Variants in PDE4D observed in about 807,000 individuals in gnomAD.
The protein encoded by PDE4D is phosphodiesterase 4D.
In PDE4D, 24 loss-of-function variants were observed where a neutral mutation model predicts 87.4. The observed-to-expected ratio is 0.27, with a 90% CI of 0.20 to 0.39. The LOEUF is 0.39. PDE4D is among the 10% of genes least tolerant of loss of function. The pLI, the probability that PDE4D is intolerant of heterozygous loss-of-function variation, is 1.00. For missense variants in PDE4D, 714 were observed against 1,041.0 expected (o/e 0.69, Z 4.32); for synonymous variants, 384 against 383.2 (o/e 1.00, Z -0.02).
At position 59,981,844 on chromosome 5, in the gene PDE4D, G is replaced by GT. The variant is rs1761962355; in HGVS notation, c.272+6643dup. ...TCAGATGTGTCTGATCCAGCCTTCT[G>GT]TTTTTCCTTTTTTATTTTCTGTTTG... On this transcript the variant is annotated intron_variant, in intron 3 of 16. Transcript: ENST00000502484. 1.3e-5 allele frequency among the ~76,000 whole-genome samples: 2 copies of GT among 152,010 alleles called. 1 individual carries two copies. The highest frequency in any genetic ancestry group is 4.1e-4 in the South Asian group (2 of 4,820).
chr5:60,184,968 A>G (rs1193085734), intron 2 of PDE4D, among the ~76,000 whole-genome samples: 1 of 152,102 alleles, frequency 6.6e-6, no homozygotes, highest in Non-Finnish European at 1.5e-5. Context: ...TTTTCCATAC[A>G]CTAATATAAA....
chr5:60,442,831 T>C (rs900141494), intron 1 of PDE4D, among the ~76,000 whole-genome samples: 3 of 151,980 alleles, frequency 2.0e-5, no homozygotes, highest in Non-Finnish European at 4.4e-5. Flanking sequence ...TGAAAGAAAA[T>C]ATAGGTGGAA....
chr5:59,818,049 G>A lies in PDE4D; in HGVS notation c.455+75119C>T, dbSNP rs572796573. ...GGGAGACACTCTGAGGAGGGACATT[G>A]AGCAGAGAGCCCAGTGAAGCTCACA... On this transcript the variant is annotated intron_variant, in intron 1 of 14. Coordinates refer to ENST00000340635, the MANE Select transcript of PDE4D (RefSeq NM_001104631.2). Among the ~76,000 whole-genome samples, 16 of 152,320 alleles carry A rather than the reference G, an allele frequency of 1.1e-4. No individual in the cohort carries two copies. The South Asian group carries it at 3.1e-3, about 30-fold the overall frequency.
chr5:59,361,147 GGA>G (rs1782159999), intron 1 of PDE4D, among the ~76,000 whole-genome samples: 2 of 151,880 alleles, frequency 1.3e-5, no homozygotes, highest in Non-Finnish European at 2.9e-5. Flanking sequence ...AAGCTTTGTT[GGA>G]TAAAGCCTAC....
At chr5:60,515,071 T>C (rs1278439735) in intron 1 of PDE4D, among the ~76,000 whole-genome samples, 1 of 152,100 alleles carries the variant, frequency 6.6e-6, no homozygotes, top group African/African-American at 2.4e-5. Context: ...GCATCAAAAA[T>C]ATCAAATACA....
chr5:60,377,186 T>C (rs1308374034), intron 1 of PDE4D, among the ~76,000 whole-genome samples: 1 of 152,206 alleles, frequency 6.6e-6, no homozygotes, highest in East Asian at 1.9e-4. Flanking sequence ...TCACTGCCTA[T>C]TTCTGTATTC....
intron 1 of PDE4D, chr5:59,217,216 A>G: frequency 2.2e-6 from 1 of 456,012 alleles, no homozygotes; most frequent in South Asian, 1.5e-5. Flanking sequence ...GAGGAGGGTG[A>G]TAGCTTATGA....
intron 2 of PDE4D, among the ~76,000 whole-genome samples, chr5:60,043,674 G>A (rs1049203202): frequency 6.6e-6 from 1 of 151,238 alleles, no homozygotes; most frequent in African/African-American, 2.4e-5. Context: ...TTTTTTTTAA[G>A]GTTAAGGAAT....
At chr5:59,276,306 A>C (rs1267169867) in intron 1 of PDE4D, among the ~76,000 whole-genome samples, 1 of 152,030 alleles carries the variant, frequency 6.6e-6, no homozygotes, top group African/African-American at 2.4e-5. Flanking sequence ...TGTCTGTGTT[A>C]TTCTGGGTAA....
At chr5:59,421,182 T>C (rs541385198) in intron 1 of PDE4D, among the ~76,000 whole-genome samples, 2 of 152,210 alleles carry the variant, frequency 1.3e-5, no homozygotes, top group African/African-American at 4.8e-5. Flanking sequence ...GTTTTCATCA[T>C]GAAAATTAGG....
At chr5:59,213,993 T>C (rs780886008) in intron 2 of PDE4D, among the ~76,000 whole-genome samples, 1 of 151,230 alleles carries the variant, frequency 6.6e-6, no homozygotes, top group Non-Finnish European at 1.5e-5. Context: ...TCTTTGATTC[T>C]CCTTCTCCAC....
chr5:60,110,209 A>G (rs1305137227), intron 2 of PDE4D, among the ~76,000 whole-genome samples: 1 of 152,114 alleles, frequency 6.6e-6, no homozygotes, highest in African/African-American at 2.4e-5. Context: ...TACAGAAAAG[A>G]AAACAATCAA....
intron 1 of PDE4D, among the ~76,000 whole-genome samples, chr5:59,519,034 T>A (rs75230798): frequency 8.5e-5 from 13 of 152,154 alleles, no homozygotes; most frequent in Non-Finnish European, 1.3e-4. Flanking sequence ...AAAGCCAACA[T>A]GAGACTTTCT....
chr5:60,007,750 T>G (rs1466196342), intron 2 of PDE4D, among the ~76,000 whole-genome samples: 2 of 152,058 alleles, frequency 1.3e-5, no homozygotes, highest in East Asian at 3.8e-4. Context: ...CCTACAGCAC[T>G]GACAAGTAGA....
intron 1 of PDE4D, among the ~76,000 whole-genome samples, chr5:60,220,132 T>G (rs957492784): frequency 6.6e-6 from 1 of 152,052 alleles, no homozygotes; most frequent in Non-Finnish European, 1.5e-5. Context: ...AACTCCCAGG[T>G]CTCCAGGCTT....
rs1297979013 is a variant in PDE4D at position 59,357,430 on chromosome 5, C to A, written c.456-141462G>T. The stretch of plus-strand genomic sequence containing the variant: ...ATGGATATAATTCTTAGCCAACCTT[C>A]CACAGGATGTAAACAGGATTTACTC... On this transcript the variant is annotated intron_variant, in intron 1 of 14. Coordinates refer to ENST00000340635, the MANE Select transcript of PDE4D (RefSeq NM_001104631.2). Among the ~76,000 whole-genome samples the A allele has an allele frequency of 2.0e-5, 3 of 152,160 alleles. No individual in the cohort carries two copies. The East Asian group carries it at 5.8e-4, about 29-fold the overall frequency.
chr5:59,927,542 C>T (rs1755426775), intron 3 of PDE4D, among the ~76,000 whole-genome samples: 1 of 152,192 alleles, frequency 6.6e-6, no homozygotes, highest in African/African-American at 2.4e-5. Context: ...ACAAAGTGTA[C>T]TGTTCATCTC....
At chr5:59,163,260 T>C (rs961471111) in intron 5 of PDE4D, among the ~76,000 whole-genome samples, 4 of 145,726 alleles carry the variant, frequency 2.7e-5, no homozygotes, top group Non-Finnish European at 3.0e-5. Flanking sequence ...TCGAATTGAT[T>C]TTTAAATGAA....
chr5:59,705,933 C>T (rs1287461689), intron 1 of PDE4D, among the ~76,000 whole-genome samples: 1 of 152,098 alleles, frequency 6.6e-6, no homozygotes, highest in Non-Finnish European at 1.5e-5. Flanking sequence ...ATCCTAGCTG[C>T]AGGAAGTTGG....
Sources: allele counts gnomAD v4.1 joint callset (sites outside exome capture counted in the v4.1 genomes callset), GRCh38; gene constraint gnomAD v4.1.1; transcripts MANE v1.5; gene names NCBI Gene and HGNC (gene_info 2026-07-23, HGNC 2026-07-21).